Variants in ALG12 observed in about 807,000 individuals in gnomAD.
The protein encoded by ALG12 is ALG12 alpha-1,6-mannosyltransferase.
In ALG12, 36 loss-of-function variants were observed where a neutral mutation model predicts 46.0. That is an observed-to-expected ratio of 0.78 (90% CI 0.60 to 1.03). ALG12 has a LOEUF of 1.03. Among genes scored for constraint, ALG12 ranks in the 50% least tolerant of loss-of-function variants. The probability of loss-of-function intolerance (pLI) is 0.00; values close to 1 mark genes in which losing one functional copy is unlikely to be tolerated. For missense variants in ALG12, 599 were observed against 633.5 expected, an observed-to-expected ratio of 0.95 and a Z score of 0.58; for synonymous variants, 326 against 291.6, an observed-to-expected ratio of 1.12 and a Z score of -1.20.
intron 1 of ALG12, among the ~76,000 whole-genome samples, chr22:49,915,601 T>C (rs950159578): frequency 6.6e-6 from 1 of 152,056 alleles, no homozygotes; most frequent in African/African-American, 2.4e-5. Flanking sequence ...AAAATAAACT[T>C]GGTATCAAAC....
the ALG12 span, among the ~76,000 whole-genome samples, chr22:49,868,198 G>A: frequency 6.6e-6 from 1 of 152,184 alleles, no homozygotes; most frequent in Non-Finnish European, 1.5e-5. Context: ...TAACATCAGA[G>A]GATTGTGGTT....
chr22:49,872,454 G>A, the ALG12 span, among the ~76,000 whole-genome samples: 1 of 152,158 alleles, frequency 6.6e-6, no homozygotes, highest in Non-Finnish European at 1.5e-5. Flanking sequence ...TCATCCATGA[G>A]GGTTAGAATT....
Position 49,902,744 on chromosome 22 carries a change from T to G in ALG12, c.*1094A>C, listed in dbSNP as rs1206562697. 1.2e-5 allele frequency: 1 copy of G among 84,176 alleles called. No homozygotes were observed. The highest frequency in any genetic ancestry group is 2.2e-5 in the Non-Finnish European group (1 of 45,232). 5.2% of individuals were successfully genotyped at this position (84,176 alleles called of 1,614,324 possible). On this transcript the variant is annotated 3_prime_UTR_variant, in exon 10 of 10. Coordinates refer to ENST00000330817, the MANE Select transcript of ALG12 (RefSeq NM_024105.4). ...GTGTGGATGCATGGTAATGTGCACG[T>G]GTGCACTGTGTGTGGTGTGTATGCA...
chr22:49,886,540 A>C, the ALG12 span: 7 of 1,568,028 alleles, frequency 4.5e-6, no homozygotes, highest in Admixed American at 1.3e-4. This position sits in a 1 kb window ranked among gnomAD's most constrained non-coding sequence, Gnocchi z 7.7. Context: ...GGTCATCCCC[A>C]TGGTACACAT....
At chr22:49,909,434 C>T in intron 5 of ALG12, 87 bp from the exon 6 acceptor site, 1 of 1,323,094 alleles carries the variant, frequency 7.6e-7, no homozygotes, top group Admixed American at 1.9e-5. Context: ...ACTACAGAAA[C>T]TACAAGCTGC....
At chr22:49,878,301 CAAAAA>C in the ALG12 span, among the ~76,000 whole-genome samples, 2 of 107,216 alleles carry the variant, frequency 1.9e-5, no homozygotes, top group Non-Finnish European at 3.5e-5. Flanking sequence ...GACACTGTCT[CAAAAA>C]AAAAAAAAAA....
the ALG12 span, among the ~76,000 whole-genome samples, chr22:49,891,998 C>T: frequency 6.6e-6 from 1 of 151,922 alleles, no homozygotes; most frequent in Admixed American, 6.6e-5. Flanking sequence ...TGCATCCTGG[C>T]TAAAACAGTG....
At chr22:49,885,804 G>A in the ALG12 span, 1 of 1,597,584 alleles carries the variant, frequency 6.3e-7, no homozygotes, top group Non-Finnish European at 8.6e-7. Context: ...ATGTGAAGCA[G>A]ATAATTATGT....
At chr22:49,869,586 C>T in the ALG12 span, among the ~76,000 whole-genome samples, 1 of 152,150 alleles carries the variant, frequency 6.6e-6, no homozygotes, top group East Asian at 1.9e-4. Flanking sequence ...AGATGTCATT[C>T]CTCTGTCTCC....
chr22:49,869,446 T>A, the ALG12 span, among the ~76,000 whole-genome samples: 1 of 152,342 alleles, frequency 6.6e-6, no homozygotes, highest in South Asian at 2.1e-4. Flanking sequence ...TGGACTTTAG[T>A]GTGGGTCACT....
chr22:49,910,562 A>G lies in ALG12; in HGVS notation c.341T>C (p.Leu114Ser). ...GLGVIFGLWTLQKEVRRHFGA... is the reference protein window; with the variant it reads ...GLGVIFGLWTSQKEVRRHFGA... ...GAAGTGCCGTCTCACTTCCTTTTGT[A>G]ACGTCCAGAGTCCAAAAATCACGCC... is the stretch of plus-strand genomic sequence containing the variant. Residue 114 changes from leucine to serine, a missense_variant, in exon 4 of 10, where the codon TTA becomes TCA. Transcript: ENST00000330817. 1.2e-6 allele frequency: 2 copies of G among 1,614,124 alleles called. No homozygotes were observed. Among genetic ancestry groups the G allele is most frequent in the Non-Finnish European group, 1.7e-6 (2 of 1,180,026 alleles).
intron 1 of ALG12, among the ~76,000 whole-genome samples, chr22:49,915,644 CACTA>C (rs1179206919): frequency 2.6e-5 from 4 of 152,174 alleles, no homozygotes; most frequent in Admixed American, 1.3e-4. Flanking sequence ...GGTTAGGAAT[CACTA>C]ACTGAGGGAG....
chr22:49,910,211 GA>G, intron 4 of ALG12, 123 bp from the exon 5 acceptor site: 4 of 1,281,268 alleles, frequency 3.1e-6, no homozygotes, highest in South Asian at 2.8e-5. Flanking sequence ...TCCCAGAAAA[GA>G]AACTGCTCAG....
the ALG12 span, among the ~76,000 whole-genome samples, chr22:49,882,200 A>G: frequency 6.6e-6 from 1 of 151,912 alleles, no homozygotes; most frequent in Non-Finnish European, 1.5e-5. Flanking sequence ...CCCATTTGCC[A>G]CTCCCTGTGT....
chr22:49,883,024 G>T, the ALG12 span, among the ~76,000 whole-genome samples: 1 of 152,212 alleles, frequency 6.6e-6, no homozygotes, highest in Admixed American at 6.5e-5. Flanking sequence ...TGAACTGTTT[G>T]AAGGATGAGG....
chr22:49,907,938 G>A lies in ALG12; in HGVS notation c.775C>T (p.Pro259Ser). The A allele has an allele frequency of 6.2e-7, 1 of 1,612,430 alleles. No homozygotes were observed. The highest frequency in any genetic ancestry group is 8.5e-7 in the Non-Finnish European group (1 of 1,179,866). The change falls in exon 7 of 10, where the codon CCG becomes TCG. Residue 259 changes from proline (P) to serine (S), a missense_variant. Physicochemically the swap from Pro to Ser is moderately conservative, Grantham distance 74. Coordinates refer to ENST00000330817, the MANE Select transcript of ALG12 (RefSeq NM_024105.4). Reference protein sequence around the residue: ...LNKSSNWGTSPLLWYFYSALP... With the variant: ...LNKSSNWGTSSLLWYFYSALP... ...GCTGAGTAGAAGTACCACAGCAGCGGGGAGGTCTGCGGGCTGGGTTAAGGA... is the reference window on the plus strand; with the variant it reads ...GCTGAGTAGAAGTACCACAGCAGCGAGGAGGTCTGCGGGCTGGGTTAAGGA...
chr22:49,884,268 C>T, the ALG12 span: 5 of 1,610,680 alleles, frequency 3.1e-6, no homozygotes, highest in Middle Eastern at 1.7e-4. Context: ...TCAGCACCAT[C>T]CTCTCACCCA....
At chr22:49,914,792 G>A (rs1320575167) in intron 1 of ALG12, among the ~76,000 whole-genome samples, 2 of 152,240 alleles carry the variant, frequency 1.3e-5, no homozygotes. Context: ...CTGGAGTGCA[G>A]TGGAGTGATC....
intron 6 of ALG12, 55 bp from the exon 7 acceptor site, chr22:49,907,999 A>G (rs2147585529): frequency 6.4e-7 from 1 of 1,566,446 alleles, no homozygotes; most frequent in Non-Finnish European, 8.7e-7. Flanking sequence ...CCCGTGGGCT[A>G]GGTGGCAGGG....
Sources: gnomAD v4.1 joint callset for allele counts (sites outside exome capture counted in the v4.1 genomes callset) on GRCh38, gnomAD v4.1.1 for gene constraint, Gnocchi (gnomAD v3.1) non-coding constraint, MANE v1.5 for transcripts, NCBI Gene and HGNC (gene_info 2026-07-23, HGNC 2026-07-21) for gene names.